The following RBFOX1 variants were observed in gnomAD, a reference collection of about 807,000 sequenced individuals.
The protein encoded by RBFOX1 is RNA binding protein fox-1 homolog 1.
Under a neutral mutation model 57.7 loss-of-function variants are expected in RBFOX1, and 8 were observed. The ratio of observed to expected loss-of-function variants is 0.14; its 90% CI spans 0.08 to 0.25. The LOEUF is 0.25. RBFOX1 is among the 10% of genes least tolerant of loss of function. The probability of loss-of-function intolerance (pLI) is 1.00; values close to 1 mark genes in which losing one functional copy is unlikely to be tolerated. For missense variants in RBFOX1, 611 were observed against 548.5 expected (o/e 1.11, Z -1.14); for synonymous variants, 326 against 222.4 (o/e 1.47, Z -4.15).
chr16:7,259,422 G>C (rs923333614), intron 4 of RBFOX1, among the ~76,000 whole-genome samples: 2 of 151,594 alleles, frequency 1.3e-5, no homozygotes, highest in Non-Finnish European at 2.9e-5. Context: ...TTTTTTTAAT[G>C]AGTGAGACCC....
chr16:7,467,020 A>G (rs979301209), intron 4 of RBFOX1, among the ~76,000 whole-genome samples: 3 of 152,296 alleles, frequency 2.0e-5, no homozygotes, highest in African/African-American at 7.2e-5. Flanking sequence ...AACCAAACAG[A>G]TATGTCTCTT....
chr16:5,340,196 C>G (rs1260107461), intron 1 of RBFOX1, among the ~76,000 whole-genome samples: 1 of 152,080 alleles, frequency 6.6e-6, no homozygotes, highest in Non-Finnish European at 1.5e-5. Flanking sequence ...TTGCTTACAT[C>G]TGGGGCTTTT....
At chr16:7,062,614 C>T (rs77774000) in intron 4 of RBFOX1, among the ~76,000 whole-genome samples, 7,868 of 152,234 alleles carry the variant, frequency 0.052, 353 homozygotes, top group East Asian at 0.2. Context: ...ACACCTGTCC[C>T]TAGCCAACAG....
At chr16:6,350,226 C>T (rs1599925201) in intron 2 of RBFOX1, among the ~76,000 whole-genome samples, 1 of 151,786 alleles carries the variant, frequency 6.6e-6, no homozygotes. Flanking sequence ...TGCCTGAGGT[C>T]GGGAGTTCGA....
At chr16:6,771,152 G>A (rs2078224770) in intron 3 of RBFOX1, among the ~76,000 whole-genome samples, 2 of 152,136 alleles carry the variant, frequency 1.3e-5, no homozygotes, top group Non-Finnish European at 2.9e-5. Flanking sequence ...ACAACACAGA[G>A]GGGGAAGATG....
intron 1 of RBFOX1, among the ~76,000 whole-genome samples, chr16:6,104,189 G>T (rs1381723526): frequency 1.3e-5 from 2 of 151,804 alleles, no homozygotes; most frequent in Non-Finnish European, 1.5e-5. Flanking sequence ...GACAATAATT[G>T]TATATGTTTG....
intron 2 of RBFOX1, among the ~76,000 whole-genome samples, chr16:6,591,531 C>G (rs2097710674): frequency 1.3e-5 from 2 of 152,108 alleles, no homozygotes; most frequent in African/African-American, 2.4e-5. Context: ...GCAGGGCGAC[C>G]CCTGCCTGAG....
rs957109467 is a variant in RBFOX1, at chr16:5,389,177, C to T, written c.220-78039C>T. Among the ~76,000 whole-genome samples the T allele has an allele frequency of 2.7e-5, 4 of 146,008 alleles. 1 individual carries two copies. Among genetic ancestry groups the T allele is most frequent in the Admixed American group, 6.8e-5 (1 of 14,766 alleles). ...CTGCACTCCAGCCTGGGCGACAGAGCGAGACTCCGTCTCAAAAATAAATAA... is the reference window on the plus strand; with the variant it reads ...CTGCACTCCAGCCTGGGCGACAGAGTGAGACTCCGTCTCAAAAATAAATAA... On this transcript the variant is annotated intron_variant, in intron 1 of 2. Transcript: ENST00000585867.
intron 2 of RBFOX1, among the ~76,000 whole-genome samples, chr16:6,587,952 T>G (rs1055051527): frequency 6.6e-6 from 1 of 152,096 alleles, no homozygotes; most frequent in Non-Finnish European, 1.5e-5. Flanking sequence ...GGTTTTTGCC[T>G]GGCACAGTGG....
intron 1 of RBFOX1, among the ~76,000 whole-genome samples, chr16:5,252,683 A>G (rs1232002294): frequency 6.6e-6 from 1 of 152,182 alleles, no homozygotes; most frequent in Non-Finnish European, 1.5e-5. Flanking sequence ...TCTCTCTCCA[A>G]ATACGGTGGC....
intron 3 of RBFOX1, among the ~76,000 whole-genome samples, chr16:6,956,222 G>A (rs1182673851): frequency 6.6e-6 from 1 of 152,184 alleles, no homozygotes; most frequent in Non-Finnish European, 1.5e-5. Flanking sequence ...ATCGTGCAGA[G>A]AGGCAGAGGA....
chr16:7,395,652 G>T (rs1348626220), intron 4 of RBFOX1, among the ~76,000 whole-genome samples: 7 of 152,174 alleles, frequency 4.6e-5, no homozygotes, highest in Admixed American at 1.3e-4. Context: ...TATGTAGCAT[G>T]GAAGACTTAT....
intron 4 of RBFOX1, among the ~76,000 whole-genome samples, chr16:7,496,134 C>A (rs914167341): frequency 6.6e-6 from 1 of 152,070 alleles, no homozygotes. Context: ...AGTTTCCTCA[C>A]CTTTTTATTT....
chr16:6,858,796 G>C (rs1049293733), intron 3 of RBFOX1, among the ~76,000 whole-genome samples: 7 of 152,006 alleles, frequency 4.6e-5, no homozygotes, highest in African/African-American at 1.7e-4. Flanking sequence ...CCAGAAATTA[G>C]AGCAGTGGCA....
At chr16:6,529,156 T>C (rs1381418148) in intron 2 of RBFOX1, among the ~76,000 whole-genome samples, 1 of 152,186 alleles carries the variant, frequency 6.6e-6, no homozygotes, top group African/African-American at 2.4e-5. Flanking sequence ...ACCCAATCTA[T>C]ATAACTTGAC....
At chr16:7,068,101 C>T (rs1459478590) in intron 4 of RBFOX1, among the ~76,000 whole-genome samples, 5 of 151,890 alleles carry the variant, frequency 3.3e-5, no homozygotes, top group Non-Finnish European at 7.4e-5. Context: ...TTTAAGGGTT[C>T]ATGTGATTAC....
intron 3 of RBFOX1, among the ~76,000 whole-genome samples, chr16:6,765,222 A>G (rs2077168346): frequency 6.6e-6 from 1 of 152,178 alleles, no homozygotes; most frequent in African/African-American, 2.4e-5. Context: ...CTGGAGGAAC[A>G]GAATGAGGCC....
intron 2 of RBFOX1, among the ~76,000 whole-genome samples, chr16:5,539,549 C>G (rs1471471352): frequency 1.3e-5 from 2 of 151,958 alleles, no homozygotes; most frequent in East Asian, 3.9e-4. Context: ...TATAGTGAGC[C>G]AAGATCGTAC....
chr16:5,972,664 C>T (rs184863013), intron 4 of RBFOX1, among the ~76,000 whole-genome samples: 1 of 152,286 alleles, frequency 6.6e-6, no homozygotes, highest in African/African-American at 2.4e-5. Flanking sequence ...GGAACATGTC[C>T]TGTTCATTAT....
Sources: allele counts gnomAD v4.1 joint callset (sites outside exome capture counted in the v4.1 genomes callset), GRCh38; gene constraint gnomAD v4.1.1; transcripts MANE v1.5; gene names NCBI Gene and HGNC (gene_info 2026-07-23, HGNC 2026-07-21).